SLC1A3: variants seen among roughly 807,000 people sequenced by gnomAD.
SLC1A3 encodes excitatory amino acid transporter 1.
In SLC1A3, 21 loss-of-function variants were observed where a neutral mutation model predicts 48.1. The observed-to-expected ratio is 0.44, with a 90% CI of 0.31 to 0.63. SLC1A3 has a LOEUF of 0.63. SLC1A3 is among the 20% of genes least tolerant of loss of function. The pLI is 0.08. For missense variants in SLC1A3, 546 were observed against 689.0 expected (o/e 0.79, Z 2.32); for synonymous variants, 239 against 251.4 (o/e 0.95, Z 0.47).
chr5:36,624,878 G>T (rs976913900), intron 2 of SLC1A3, among the ~76,000 whole-genome samples: 6 of 152,174 alleles, frequency 3.9e-5, no homozygotes, highest in Admixed American at 1.3e-4. Context: ...CCTGTAAAGG[G>T]TTCCAAGATG....
intron 3 of SLC1A3, 122 bp from the exon 4 acceptor site, chr5:36,670,907 C>A (rs147134516): frequency 3.4e-6 from 3 of 880,776 alleles, no homozygotes; most frequent in African/African-American, 3.3e-5. Context: ...ACAACATGTA[C>A]GAAATCCCAT....
Position 36,686,869 on chromosome 5 carries a change from G to T in SLC1A3, c.*600G>T, listed in dbSNP as rs1048983013. On this transcript the variant is annotated 3_prime_UTR_variant, in exon 10 of 10. Transcript: ENST00000265113. ...AGTCCCATCTCACCTCTAGGCCTCA[G>T]TGTCCTCATCTATAAAATGAGGGAC... 1 of 162,690 alleles carries T rather than the reference G, an allele frequency of 6.1e-6. No individual in the cohort carries two copies. The highest frequency in any genetic ancestry group is 2.4e-5 in the African/African-American group (1 of 41,488). 10.1% of individuals were successfully genotyped at this position (162,690 alleles called of 1,614,324 possible). A position where few individuals can be genotyped will look rare whatever the true frequency, so the allele number is the denominator to read the frequency against.
intron 3 of SLC1A3, among the ~76,000 whole-genome samples, chr5:36,647,926 T>G (rs1033534435): frequency 6.6e-6 from 1 of 152,214 alleles, no homozygotes; most frequent in Admixed American, 6.5e-5. Flanking sequence ...TGTTTTTAAT[T>G]TATTCCAATA....
intron 2 of SLC1A3, among the ~76,000 whole-genome samples, chr5:36,610,922 A>G (rs1211543963): frequency 6.6e-6 from 1 of 152,226 alleles, no homozygotes; most frequent in Non-Finnish European, 1.5e-5. Flanking sequence ...TTGACAGTCA[A>G]AGAGACCACT....
At chr5:36,608,786 A>G (rs1482822002) in intron 2 of SLC1A3, 182 bp downstream of exon 2, 5 of 1,417,966 alleles carry the variant, frequency 3.5e-6, no homozygotes, top group African/African-American at 1.4e-5. Flanking sequence ...AGCAATATAT[A>G]GTAAACACAT....
At chr5:36,597,727 G>C (rs1003424941) in intron 1 of SLC1A3, among the ~76,000 whole-genome samples, 1 of 152,046 alleles carries the variant, frequency 6.6e-6, no homozygotes, top group African/African-American at 2.4e-5. Context: ...TCCCCTCACA[G>C]GACTTGTCTT....
intron 9 of SLC1A3, among the ~76,000 whole-genome samples, chr5:36,684,702 C>T (rs952984115): frequency 1.3e-5 from 2 of 152,180 alleles, no homozygotes; most frequent in Non-Finnish European, 2.9e-5. Flanking sequence ...GTTAACACAA[C>T]ATATGTTCAC....
At chr5:36,609,548 G>A (rs1482395593) in intron 2 of SLC1A3, among the ~76,000 whole-genome samples, 1 of 152,126 alleles carries the variant, frequency 6.6e-6, no homozygotes, top group Non-Finnish European at 1.5e-5. Flanking sequence ...AAGAGGTAAT[G>A]ATTTAATAAA....
intron 3 of SLC1A3, among the ~76,000 whole-genome samples, chr5:36,642,590 T>C (rs1328209531): frequency 6.6e-6 from 1 of 152,206 alleles, no homozygotes; most frequent in Non-Finnish European, 1.5e-5. Flanking sequence ...AATTTACCCA[T>C]TTAAAGTGTA....
At chr5:36,660,116 A>G (rs1233142685) in intron 3 of SLC1A3, among the ~76,000 whole-genome samples, 1 of 152,208 alleles carries the variant, frequency 6.6e-6, no homozygotes, top group Non-Finnish European at 1.5e-5. Context: ...ACTCAAATAT[A>G]TCCATCTACC....
intron 3 of SLC1A3, among the ~76,000 whole-genome samples, chr5:36,636,825 T>A (rs1461722759): frequency 6.6e-6 from 1 of 152,070 alleles, no homozygotes; most frequent in Non-Finnish European, 1.5e-5. Context: ...CCAGGAGACC[T>A]GAGGATCTCT....
rs780762087 is a variant in SLC1A3 at position 36,679,791 on chromosome 5, G to A, written c.1025G>A (p.Arg342Gln). The A allele has an allele frequency of 1.7e-5, 27 of 1,613,988 alleles. No homozygotes were observed. Among genetic ancestry groups the A allele is most frequent in the East Asian group, 6.7e-5 (3 of 44,890 alleles). ...CCACTCCTCTACTTCTTGGTAACAC[G>A]GAAAAACCCTTGGGTTTTTATTGGA... Reference protein sequence around the residue: ...VLPLLYFLVTRKNPWVFIGGL... With the variant: ...VLPLLYFLVTQKNPWVFIGGL... The change falls in exon 7 of 10, where the codon CGG (arginine) becomes CAG (glutamine). Residue 342 changes from arginine to glutamine, a missense_variant. Arg to Gln is a conservative substitution (Grantham distance 43). Coordinates refer to ENST00000265113, the MANE Select transcript of SLC1A3 (RefSeq NM_004172.5).
chr5:36,664,402 G>C (rs1231338453), intron 3 of SLC1A3, among the ~76,000 whole-genome samples: 1 of 148,224 alleles, frequency 6.7e-6, no homozygotes, highest in Non-Finnish European at 1.5e-5. Flanking sequence ...CAAAGTGCTG[G>C]AATTACAGGT....
upstream of SLC1A3, among the ~76,000 whole-genome samples, chr5:36,605,119 AAG>A (rs1738881814): frequency 6.6e-6 from 1 of 152,216 alleles, no homozygotes; most frequent in African/African-American, 2.4e-5. Flanking sequence ...CCCACTTAAA[AAG>A]AGTTACTTAA....
intron 1 of SLC1A3, among the ~76,000 whole-genome samples, chr5:36,607,561 G>A (rs1391074184): frequency 6.6e-6 from 1 of 152,228 alleles, no homozygotes; most frequent in Non-Finnish European, 1.5e-5. Flanking sequence ...TAAAAAGTCA[G>A]CGATAGTTTC....
chr5:36,620,724 A>C (rs1476897338), intron 2 of SLC1A3, among the ~76,000 whole-genome samples: 2 of 152,176 alleles, frequency 1.3e-5, no homozygotes, highest in Non-Finnish European at 2.9e-5. Context: ...CAAAAAAACC[A>C]AAAAAAGTTC....
chr5:36,601,022 C>G (rs543570445), intron 1 of SLC1A3, among the ~76,000 whole-genome samples: 2 of 152,300 alleles, frequency 1.3e-5, no homozygotes, highest in African/African-American at 4.8e-5. Context: ...TTCTGACTTA[C>G]AATAAACAAT....
Position 36,676,707 on chromosome 5 carries a change from T to A in SLC1A3, c.568-185T>A, listed in dbSNP as rs138940278. On this transcript the variant is annotated intron_variant, in intron 5 of 9. Transcript: ENST00000265113. Reference sequence around the variant, plus strand: ...GTATTTCAGTATGTGTTTCTGTCTGTCTGTGTTGAGAAACTAGTAGGGGTT... The same window carrying A: ...GTATTTCAGTATGTGTTTCTGTCTGACTGTGTTGAGAAACTAGTAGGGGTT... Among the ~76,000 whole-genome samples the A allele has an allele frequency of 3.5e-4, 53 of 152,234 alleles. 1 individual carries two copies. Among genetic ancestry groups the A allele is most frequent in the Non-Finnish European group, 6.8e-4 (46 of 68,006 alleles).
At chr5:36,648,522 G>C in intron 3 of SLC1A3, among the ~76,000 whole-genome samples, 1 of 152,104 alleles carries the variant, frequency 6.6e-6, no homozygotes, top group Admixed American at 6.5e-5. Flanking sequence ...TATAACCTTT[G>C]GTTGCCCTTG....
Sources: gnomAD v4.1 joint callset for allele counts (sites outside exome capture counted in the v4.1 genomes callset) on GRCh38, gnomAD v4.1.1 for gene constraint, MANE v1.5 for transcripts, NCBI Gene and HGNC (gene_info 2026-07-23, HGNC 2026-07-21) for gene names.